POC1A: variants seen among roughly 807,000 people sequenced by gnomAD.
POC1A encodes POC1 centriolar protein A.
In POC1A, 34 loss-of-function variants were observed where a neutral mutation model predicts 47.8. The observed-to-expected ratio is 0.71, with a 90% CI of 0.54 to 0.95. The LOEUF (loss-of-function observed/expected upper bound fraction) is 0.95. Among genes scored for constraint, POC1A ranks in the 40% least tolerant of loss-of-function variants. The pLI is 0.00. For synonymous variants in POC1A, 177 were observed against 207.6 expected (o/e 0.85, Z 1.27); for missense variants, 466 against 528.3 (o/e 0.88, Z 1.16).
At position 52,090,795 on chromosome 3, in the gene POC1A, G is replaced by A. The variant is rs1702619254; in HGVS notation, c.1125+5774C>T. 6.6e-6 allele frequency among the ~76,000 whole-genome samples: 1 copy of A among 152,174 alleles called. No homozygotes were observed. Among genetic ancestry groups the A allele is most frequent in the African/African-American group, 2.4e-5 (1 of 41,428 alleles). ...CTGAGCGCCCATCCCTGGGCAGGCA[G>A]GCCTAGCAGCCTCGGGGTCCGGCCT... On this transcript the variant is annotated intron_variant, in intron 10 of 10. Transcript: ENST00000296484. The surrounding 1 kb of genome is among the most constrained non-coding windows in gnomAD (Gnocchi z 4.2).
In POC1A at chr3:52,117,964, G is replaced by A. The variant is rs745796171; in HGVS notation, c.981+4415C>T. On this transcript the variant is annotated intron_variant, in intron 9 of 10. Coordinates refer to ENST00000296484, the MANE Select transcript of POC1A (RefSeq NM_015426.5). ...CAAGATACAGGGGTCTTTATGCCTC[G>A]GGGTCAGGCCCCAAAGAACAGACAG... Among the ~76,000 whole-genome samples, 5 of 152,194 alleles carry A rather than the reference G, an allele frequency of 3.3e-5. No individual in the cohort carries two copies. In the South Asian group the frequency reaches 6.2e-4, roughly 19 times the overall value.
At chr3:52,147,187 T>A in intron 4 of POC1A, 92 bp from the exon 5 acceptor site, 1 of 1,016,750 alleles carries the variant, frequency 9.8e-7, no homozygotes, top group Non-Finnish European at 1.5e-6. Context: ...CCCGAGTGCC[T>A]ACTATCTGCC....
intron 10 of POC1A, among the ~76,000 whole-genome samples, chr3:52,085,562 A>G (rs538607431): frequency 2.0e-5 from 3 of 151,608 alleles, no homozygotes; most frequent in Non-Finnish European, 4.4e-5. Context: ...CTACCCTAGG[A>G]GCCTCCTTGC....
At chr3:52,140,715 C>T (rs565480300) in intron 6 of POC1A, among the ~76,000 whole-genome samples, 33 of 152,228 alleles carry the variant, frequency 2.2e-4, no homozygotes, top group Non-Finnish European at 4.4e-4. Context: ...CCCCAGACAC[C>T]AGGACCCACC....
intron 7 of POC1A, among the ~76,000 whole-genome samples, chr3:52,136,895 A>G (rs2107154312): frequency 6.6e-6 from 1 of 152,374 alleles, no homozygotes; most frequent in South Asian, 2.1e-4. Context: ...AGAGGTGATC[A>G]CTTGATAGGC....
At chr3:52,113,238 G>A (rs955154281) in intron 9 of POC1A, among the ~76,000 whole-genome samples, 3 of 152,326 alleles carry the variant, frequency 2.0e-5, no homozygotes, top group South Asian at 2.1e-4. Flanking sequence ...TAGTAATAAC[G>A]TCAGTGGTAG....
At chr3:52,136,876 C>T (rs1242689204) in intron 7 of POC1A, among the ~76,000 whole-genome samples, 1 of 152,220 alleles carries the variant, frequency 6.6e-6, no homozygotes. Flanking sequence ...TTAAAGAACA[C>T]TCACAAAAAG....
chr3:52,140,968 C>T (rs532800836), intron 6 of POC1A, among the ~76,000 whole-genome samples: 4 of 152,192 alleles, frequency 2.6e-5, no homozygotes, highest in Non-Finnish European at 5.9e-5. Flanking sequence ...AGTCCAAAGC[C>T]GCAGGCCTCT....
At chr3:52,097,980 A>G (rs781355268) in intron 9 of POC1A, among the ~76,000 whole-genome samples, 4 of 152,234 alleles carry the variant, frequency 2.6e-5, no homozygotes, top group Non-Finnish European at 5.9e-5. Context: ...ACTTCAGCCT[A>G]CCACAGTGGC....
At chr3:52,132,101 G>A (rs1374261992) in intron 7 of POC1A, among the ~76,000 whole-genome samples, 1 of 152,112 alleles carries the variant, frequency 6.6e-6, no homozygotes, top group Admixed American at 6.5e-5. Context: ...TACTGTGTCC[G>A]GTGCTGGGAA....
chr3:52,129,228 G>A (rs948212022), intron 7 of POC1A, among the ~76,000 whole-genome samples: 6 of 152,146 alleles, frequency 3.9e-5, no homozygotes, highest in African/African-American at 1.2e-4. Flanking sequence ...GCAGTGAGCC[G>A]AGATCATGTC....
intron 1 of POC1A, 117 bp downstream of exon 1, chr3:52,154,238 G>C: frequency 8.8e-7 from 1 of 1,135,690 alleles, no homozygotes; most frequent in Non-Finnish European, 1.3e-6. Flanking sequence ...ACCTGAAGAG[G>C]ACCACCCTGG....
intron 1 of POC1A, 106 bp downstream of exon 1, chr3:52,154,249 A>G (rs1698651522): frequency 7.9e-7 from 1 of 1,268,624 alleles, no homozygotes; most frequent in Admixed American, 2.2e-5. Context: ...ACCACCCTGG[A>G]ACCTGGCGCC....
At chr3:52,092,591 G>C (rs1177662817) in intron 10 of POC1A, among the ~76,000 whole-genome samples, 1 of 152,108 alleles carries the variant, frequency 6.6e-6, no homozygotes, top group Non-Finnish European at 1.5e-5. Context: ...GCAGGCCTCA[G>C]ATAAAAACCA....
chr3:52,146,372 C>A (rs1437562714), intron 5 of POC1A, among the ~76,000 whole-genome samples: 1 of 152,234 alleles, frequency 6.6e-6, no homozygotes, highest in East Asian at 1.9e-4. Context: ...CATTGGCCCA[C>A]CCCTTTCTAG....
intron 9 of POC1A, among the ~76,000 whole-genome samples, chr3:52,122,007 C>T (rs1277986265): frequency 6.6e-6 from 1 of 152,194 alleles, no homozygotes; most frequent in Non-Finnish European, 1.5e-5. Flanking sequence ...TGGCTTCAGG[C>T]CCTGAACCCT....
chr3:52,131,210 A>G (rs1460164591), intron 7 of POC1A, among the ~76,000 whole-genome samples: 1 of 152,162 alleles, frequency 6.6e-6, no homozygotes, highest in African/African-American at 2.4e-5. Context: ...TTCAGAAAAT[A>G]CAGAAAGATA....
intron 10 of POC1A, among the ~76,000 whole-genome samples, chr3:52,080,669 T>A (rs1391094800): frequency 6.6e-6 from 1 of 152,260 alleles, no homozygotes; most frequent in Admixed American, 6.5e-5. Context: ...AACCTCCTCC[T>A]GGATGCACCA....
chr3:52,078,378 A>G (rs1702181068), intron 10 of POC1A, among the ~76,000 whole-genome samples: 1 of 152,142 alleles, frequency 6.6e-6, no homozygotes, highest in Admixed American at 6.5e-5. Context: ...TAGTTAAAAA[A>G]AAAAAATCCT....
Sources: gnomAD v4.1 joint callset for allele counts (sites outside exome capture counted in the v4.1 genomes callset) on GRCh38, gnomAD v4.1.1 for gene constraint, Gnocchi (gnomAD v3.1) non-coding constraint, MANE v1.5 for transcripts, NCBI Gene and HGNC (gene_info 2026-07-23, HGNC 2026-07-21) for gene names.